Variants in HECTD2 observed in about 807,000 individuals in gnomAD.
HECTD2 encodes HECT domain E3 ubiquitin protein ligase 2.
A neutral mutation model predicts 103.2 loss-of-function variants in HECTD2; 35 were observed. That is an observed-to-expected ratio of 0.34 (90% CI 0.26 to 0.45). HECTD2 has a LOEUF of 0.45. Ranked by LOEUF, HECTD2 falls within the 20% of genes least tolerant of loss-of-function variation. HECTD2 has a pLI of 1.00. For missense variants in HECTD2, 596 were observed against 937.4 expected (o/e 0.64, Z 4.76); for synonymous variants, 281 against 329.9 (o/e 0.85, Z 1.61).
chr10:91,430,065 T>A (rs536692766), intron 2 of HECTD2, among the ~76,000 whole-genome samples: 47 of 152,350 alleles, frequency 3.1e-4, no homozygotes, highest in Admixed American at 5.2e-4. Flanking sequence ...TCCCAGAGAT[T>A]CTGGTATGTT....
intron 14 of HECTD2, among the ~76,000 whole-genome samples, chr10:91,494,804 A>G (rs11186586): frequency 0.2 from 30,519 of 151,962 alleles, 7,277 homozygotes; most frequent in African/African-American, 0.58. Context: ...ACTATGAGCT[A>G]TTTATATGTT....
At chr10:91,427,664 T>A (rs1843628350) in intron 2 of HECTD2, among the ~76,000 whole-genome samples, 1 of 152,226 alleles carries the variant, frequency 6.6e-6, no homozygotes, top group Non-Finnish European at 1.5e-5. Context: ...AAGTGTCTGC[T>A]CATATCCTTT....
chr10:91,502,472 G>A (rs1166650548), intron 20 of HECTD2, among the ~76,000 whole-genome samples: 2 of 152,138 alleles, frequency 1.3e-5, no homozygotes, highest in Non-Finnish European at 2.9e-5. Flanking sequence ...GAGTCATTTA[G>A]TTCTTCAAGA....
chr10:91,476,112 T>C (rs1228648634), intron 5 of HECTD2, among the ~76,000 whole-genome samples: 1 of 152,206 alleles, frequency 6.6e-6, no homozygotes, highest in Non-Finnish European at 1.5e-5. Flanking sequence ...TGCGTTGTTA[T>C]ACTGATAGGA....
intron 1 of HECTD2, among the ~76,000 whole-genome samples, chr10:91,423,778 A>G (rs1307429251): frequency 6.6e-6 from 1 of 152,190 alleles, no homozygotes; most frequent in African/African-American, 2.4e-5. Flanking sequence ...AAGTAAATTT[A>G]AAGTGTAGCA....
At chr10:91,437,708 A>T (rs900580889) in intron 2 of HECTD2, among the ~76,000 whole-genome samples, 4 of 146,228 alleles carry the variant, frequency 2.7e-5, no homozygotes, top group Admixed American at 1.4e-4. Flanking sequence ...ATTCATAATT[A>T]AAAATCAGTT....
chr10:91,453,395 C>T (rs1197480709), intron 2 of HECTD2, among the ~76,000 whole-genome samples: 1 of 152,144 alleles, frequency 6.6e-6, no homozygotes, highest in Non-Finnish European at 1.5e-5. Flanking sequence ...CACACCACCA[C>T]ACCCCATCCT....
chr10:91,412,668 A>ATGTGTG (rs58691011), intron 1 of HECTD2, among the ~76,000 whole-genome samples: 12,471 of 147,186 alleles, frequency 0.085, 560 homozygotes, highest in Admixed American at 0.12. Flanking sequence ...CTGTGGCAGA[A>ATGTGTG]TGTGTGTGTG....
Position 91,513,333 on chromosome 10 carries a change from A to T in HECTD2, c.*949A>T, listed in dbSNP as rs1460956172. 1.3e-5 allele frequency: 2 copies of T among 152,494 alleles called. No homozygotes were observed. The highest frequency in any genetic ancestry group is 2.9e-5 in the Non-Finnish European group (2 of 68,010). The allele number at this position is 152,494 out of a possible 1,614,324, so 9.4% of individuals were successfully genotyped here. ...CTTATATCTACATTTTTTGATCACC[A>T]GTTGTACCAAAACACTAATTTTTGA... is the stretch of plus-strand genomic sequence containing the variant. On this transcript the variant is annotated 3_prime_UTR_variant, in exon 21 of 21. Transcript: ENST00000298068.
intron 18 of HECTD2, 59 bp downstream of exon 18, chr10:91,499,209 C>T (rs2133345412): frequency 1.2e-6 from 1 of 851,414 alleles, no homozygotes; most frequent in East Asian, 2.6e-5. Flanking sequence ...ATCATGTTAA[C>T]AAATAATTAA....
chr10:91,428,237 T>C (rs1843663023), intron 2 of HECTD2, among the ~76,000 whole-genome samples: 1 of 151,868 alleles, frequency 6.6e-6, no homozygotes, highest in Admixed American at 6.6e-5. Context: ...TTGATCTATA[T>C]CTCTGTTTTG....
chr10:91,456,832 G>A (rs1845120128), intron 2 of HECTD2, among the ~76,000 whole-genome samples: 1 of 152,024 alleles, frequency 6.6e-6, no homozygotes, highest in Non-Finnish European at 1.5e-5. Context: ...CCGAAAGCAA[G>A]CAGGAAGGAG....
At chr10:91,430,093 G>C (rs1843772124) in intron 2 of HECTD2, among the ~76,000 whole-genome samples, 1 of 152,076 alleles carries the variant, frequency 6.6e-6, no homozygotes, top group South Asian at 2.1e-4. Flanking sequence ...TGTTCTTGTT[G>C]GTTTCAAAGA....
At chr10:91,425,184 T>C (rs1299459326) in intron 1 of HECTD2, 97 bp from the exon 2 acceptor site, 2 of 1,034,090 alleles carry the variant, frequency 1.9e-6, no homozygotes, top group African/African-American at 1.7e-5. Flanking sequence ...CTACTCGTCA[T>C]CAAATTAAAA....
At position 91,461,330 on chromosome 10, in the gene HECTD2, T is replaced by G; in HGVS notation, c.484T>G (p.Phe162Val). The change falls in exon 4 of 21, where the codon TTC (phenylalanine) becomes GTC (valine). Residue 162 changes from phenylalanine to valine, a missense_variant. Around this residue, in one of 4 missense-constraint regions of HECTD2, gnomAD observed 220 missense variants for 233.9 expected, o/e 0.94. Coordinates refer to ENST00000298068, the MANE Select transcript of HECTD2 (RefSeq NM_182765.6). ...TTTTTATCTAACAACGTTTGATTCT[T>G]TCCCAGAATTAAATGCTGCATTTAA... ...HDFYLTTFDS[F>V]PELNAAFKKD... The G allele has an allele frequency of 2.0e-6, 3 of 1,525,576 alleles. No homozygotes were observed. Among genetic ancestry groups the G allele is most frequent in the Non-Finnish European group, 2.7e-6 (3 of 1,124,354 alleles). The allele number at this position is 1,525,576 out of a possible 1,614,324, so 94.5% of individuals were successfully genotyped here. A position where few individuals can be genotyped will look rare whatever the true frequency, so the allele number is the denominator to read the frequency against.
chr10:91,425,548 C>G (rs1843525148), intron 2 of HECTD2, 138 bp downstream of exon 2: 1 of 529,500 alleles, frequency 1.9e-6, no homozygotes, highest in East Asian at 3.7e-5. Context: ...TTACCAGAAG[C>G]AGCAAAATCT....
upstream of HECTD2, chr10:91,410,270 G>T: frequency 5.8e-6 from 1 of 173,114 alleles, no homozygotes; most frequent in South Asian, 1.7e-4. Context: ...GGGCGGCCTC[G>T]GGCTCGCGCG....
chr10:91,413,129 C>G (rs1384574222), intron 1 of HECTD2, among the ~76,000 whole-genome samples: 1 of 151,764 alleles, frequency 6.6e-6, no homozygotes, highest in Non-Finnish European at 1.5e-5. Flanking sequence ...AATCATTGTA[C>G]CACATTTATA....
chr10:91,481,042 G>C, intron 6 of HECTD2, 52 bp from the exon 7 acceptor site: 1 of 1,102,398 alleles, frequency 9.1e-7, no homozygotes, highest in Non-Finnish European at 1.3e-6. Flanking sequence ...TTCGTTAGAT[G>C]CTATGAGATT....
Sources: gnomAD v4.1 joint callset for allele counts (sites outside exome capture counted in the v4.1 genomes callset) on GRCh38, gnomAD v4.1.1 for gene constraint, gnomAD v4.1.1 regional missense constraint, MANE v1.5 for transcripts, NCBI Gene and HGNC (gene_info 2026-07-23, HGNC 2026-07-21) for gene names.